C10orf67: variants seen among roughly 807,000 people sequenced by gnomAD.
The protein encoded by C10orf67 is uncharacterized protein C10orf67, mitochondrial.
Under a neutral mutation model 35.6 loss-of-function variants are expected in C10orf67, and 60 were observed. That is an observed-to-expected ratio of 1.68 (90% confidence interval 1.37 to 2.09). The LOEUF is 2.09. C10orf67 is among the 30% of genes most tolerant of loss of function. The pLI, the probability that C10orf67 is intolerant of heterozygous loss-of-function variation, is 0.00. For synonymous variants in C10orf67, 167 were observed against 115.8 expected, an observed-to-expected ratio of 1.44 and a Z score of -2.84; for missense variants, 474 against 330.2, an observed-to-expected ratio of 1.44 and a Z score of -3.38.
intron 5 of C10orf67, among the ~76,000 whole-genome samples, chr10:23,300,774 T>C (rs2132280464): frequency 6.6e-6 from 1 of 152,314 alleles, no homozygotes; most frequent in African/African-American, 2.4e-5. Context: ...TGTGTCCCAG[T>C]GAGGGTCTAC....
intron 13 of C10orf67, among the ~76,000 whole-genome samples, chr10:23,224,203 T>G (rs1032870302): frequency 1.3e-5 from 2 of 152,202 alleles, no homozygotes; most frequent in African/African-American, 4.8e-5. Flanking sequence ...GATCAGGCAG[T>G]AACATTTGCT....
chr10:23,319,719 G>A (rs1436251346), intron 4 of C10orf67, among the ~76,000 whole-genome samples: 1 of 152,168 alleles, frequency 6.6e-6, no homozygotes, highest in Non-Finnish European at 1.5e-5. Flanking sequence ...CCAGTGTGAA[G>A]TGATATCTTC....
At chr10:23,290,092 T>G in intron 6 of C10orf67, 134 bp from the exon 7 acceptor site, 1 of 594,032 alleles carries the variant, frequency 1.7e-6, no homozygotes. Context: ...GACTGTGACC[T>G]TCACAACTGC....
intron 8 of C10orf67, among the ~76,000 whole-genome samples, chr10:23,280,786 G>A (rs1843344126): frequency 6.6e-6 from 1 of 152,256 alleles, no homozygotes; most frequent in African/African-American, 2.4e-5. Context: ...AAAGAGTATG[G>A]GATCTGCTCC....
chr10:23,297,878 A>G (rs1843941470), intron 5 of C10orf67, among the ~76,000 whole-genome samples: 1 of 152,236 alleles, frequency 6.6e-6, no homozygotes, highest in Non-Finnish European at 1.5e-5. Context: ...ATCGTAAGAT[A>G]TCCACACAGT....
Position 23,264,338 on chromosome 10 carries a change from C to T in C10orf67, c.1200+1924G>A, listed in dbSNP as rs751684618. On this transcript the variant is annotated intron_variant, in intron 10 of 15. Transcript: ENST00000636213. ...AAACATACTTCATTTTAAAATTGAG[C>T]CAATTCATAGAAATATGTAAACCCA... 3.9e-5 allele frequency among the ~76,000 whole-genome samples: 6 copies of T among 152,252 alleles called. No individual in the cohort carries two copies. In the East Asian group the frequency reaches 5.8e-4, roughly 15 times the overall value.
chr10:23,318,186 G>A (rs1485052832), intron 4 of C10orf67: 1 of 142,804 alleles, frequency 7.0e-6, no homozygotes, highest in Non-Finnish European at 1.5e-5. Context: ...TCGGGAATTA[G>A]TAGAAGCACA....
At chr10:23,306,548 A>G (rs1030283903) in intron 4 of C10orf67, among the ~76,000 whole-genome samples, 25 of 151,576 alleles carry the variant, frequency 1.6e-4, no homozygotes, top group Non-Finnish European at 3.4e-4. Context: ...AAAAAAAAAA[A>G]AAAGAATGGT....
intron 15 of C10orf67, among the ~76,000 whole-genome samples, chr10:23,211,769 C>T (rs1410881111): frequency 6.6e-6 from 1 of 152,018 alleles, no homozygotes; most frequent in Non-Finnish European, 1.5e-5. Context: ...CTGATTTGAA[C>T]ACATAGGATA....
chr10:23,330,739 C>CAAA (rs10681378), intron 2 of C10orf67, among the ~76,000 whole-genome samples: 2,508 of 135,760 alleles, frequency 0.018, 40 homozygotes, highest in African/African-American at 0.044. Flanking sequence ...GACTCTGTCT[C>CAAA]AAAAAAAAAA....
intron 10 of C10orf67, among the ~76,000 whole-genome samples, chr10:23,257,064 AC>A (rs1251838015): frequency 3.3e-5 from 5 of 152,208 alleles, no homozygotes; most frequent in Admixed American, 1.3e-4. Context: ...AATGGGAAAA[AC>A]AAAAGAAACA....
rs1306983101 is a variant in C10orf67, at chr10:23,203,659, G to A, written c.*514C>T. On this transcript the variant is annotated 3_prime_UTR_variant, in exon 16 of 16. Coordinates refer to ENST00000636213, the MANE Select transcript of C10orf67 (RefSeq NM_001371909.1). ...AAGAATTTCTGACAGCCTTTAAGAT[G>A]CGGCTAGGTGCCCTGTGCCGGGGTA... 6.6e-6 allele frequency: 1 copy of A among 152,222 alleles called. No homozygotes were observed. The highest frequency in any genetic ancestry group is 1.9e-4 in the East Asian group (1 of 5,194). The allele number at this position is 152,222 out of a possible 1,614,324, so 9.4% of individuals were successfully genotyped here. A position where few individuals can be genotyped will look rare whatever the true frequency, so the allele number is the denominator to read the frequency against.
intron 10 of C10orf67, among the ~76,000 whole-genome samples, chr10:23,255,043 C>T (rs968158376): frequency 1.3e-5 from 2 of 152,108 alleles, no homozygotes; most frequent in Admixed American, 6.5e-5. Context: ...TTTTAACCTG[C>T]CATGCAAATA....
Position 23,344,796 on chromosome 10 carries a change from C to A in C10orf67, c.-22G>T, listed in dbSNP as rs752235937. ...CCATCATAAGAGGAGAGCAGGCTGC[C>A]TAATAAGCTGTCTCCACCTGCCACA... is the stretch of plus-strand genomic sequence containing the variant. On this transcript the variant is annotated 5_prime_UTR_variant, in exon 1 of 16. In the 5' UTR this introduces an upstream ATG that the reference lacks. Transcript: ENST00000636213. The A allele has an allele frequency of 6.5e-7, 1 of 1,542,642 alleles. No homozygotes were observed. Among genetic ancestry groups the A allele is most frequent in the South Asian group, 1.2e-5 (1 of 83,788 alleles).
chr10:23,343,533 C>T lies in C10orf67; in HGVS notation c.206+1036G>A, dbSNP rs189944695. On this transcript the variant is annotated intron_variant, in intron 1 of 15. Coordinates refer to ENST00000636213, the MANE Select transcript of C10orf67 (RefSeq NM_001371909.1). ...GAGGGGACTAAGACGGGTACTGTGT[C>T]CTAGATTAGCTCATTTAATATTCAC... Among the ~76,000 whole-genome samples the T allele has an allele frequency of 3.3e-3, 505 of 152,306 alleles. 1 individual carries two copies. Among genetic ancestry groups the T allele is most frequent in the Middle Eastern group, 0.01 (3 of 294 alleles).
At chr10:23,330,506 C>T (rs955546445) in intron 2 of C10orf67, among the ~76,000 whole-genome samples, 2 of 151,944 alleles carry the variant, frequency 1.3e-5, no homozygotes, top group Admixed American at 1.3e-4. Flanking sequence ...TTTGGGAGGC[C>T]GAGGCAGATG....
At chr10:23,301,164 C>T (rs926384163) in intron 5 of C10orf67, among the ~76,000 whole-genome samples, 3 of 152,194 alleles carry the variant, frequency 2.0e-5, no homozygotes, top group Admixed American at 6.5e-5. Context: ...TAGGGGTGCA[C>T]GCATGGGCGA....
chr10:23,256,028 A>C (rs1842590667), intron 10 of C10orf67, among the ~76,000 whole-genome samples: 1 of 152,246 alleles, frequency 6.6e-6, no homozygotes, highest in East Asian at 1.9e-4. Flanking sequence ...TCTTCAAGAC[A>C]GTTTGCTCCA....
intron 4 of C10orf67, among the ~76,000 whole-genome samples, chr10:23,305,162 ACT>A (rs1284432182): frequency 6.6e-6 from 1 of 152,186 alleles, no homozygotes; most frequent in Non-Finnish European, 1.5e-5. Flanking sequence ...CAAACATGAC[ACT>A]CTCAAGAAAA....
Sources: gnomAD v4.1 joint callset for allele counts (sites outside exome capture counted in the v4.1 genomes callset) on GRCh38, gnomAD v4.1.1 for gene constraint, MANE v1.5 for transcripts, NCBI Gene and HGNC (gene_info 2026-07-23, HGNC 2026-07-21) for gene names.